The following HCN2 variants were observed in gnomAD, a reference collection of about 807,000 sequenced individuals.
HCN2 encodes hyperpolarization activated cyclic nucleotide gated potassium and sodium channel 2.
HCN2 carries 20 observed loss-of-function variants against 52.3 expected under a neutral mutation model. The observed-to-expected ratio is 0.38, with a 90% confidence interval of 0.27 to 0.56. The LOEUF is 0.56. Ranked by LOEUF, HCN2 falls within the 20% of genes least tolerant of loss-of-function variation. The pLI is 0.71. For missense variants in HCN2, 981 were observed against 1,207.7 expected, an observed-to-expected ratio of 0.81 and a Z score of 2.78; for synonymous variants, 694 against 537.0, an observed-to-expected ratio of 1.29 and a Z score of -4.04.
In HCN2 at chr19:605,107, G is replaced by C; in HGVS notation, c.1103G>C (p.Cys368Ser). The C allele has an allele frequency of 1.2e-6, 2 of 1,611,984 alleles. No individual in the cohort carries two copies. The highest frequency in any genetic ancestry group is 1.7e-6 in the Non-Finnish European group (2 of 1,179,508). The change falls in exon 3 of 8, where the codon TGC becomes TCC. Residue 368 changes from cysteine (C) to serine (S), a missense_variant. This residue lies in a region of HCN2 where 282 missense variants were observed against 553.8 expected (regional missense o/e 0.51). Coordinates refer to ENST00000251287, the MANE Select transcript of HCN2 (RefSeq NM_001194.4). ...CTGGCCAGCGCGGTGATGAGGATCT[G>C]CAATCTCATCAGCATGATGCTGCTG... Reference protein sequence around the residue: ...YDLASAVMRICNLISMMLLLC... With the variant: ...YDLASAVMRISNLISMMLLLC...
chr19:611,193 T>C (rs1983621055), intron 5 of HCN2, among the ~76,000 whole-genome samples: 1 of 152,206 alleles, frequency 6.6e-6, no homozygotes, highest in African/African-American at 2.4e-5. Flanking sequence ...TCAGCCTGTC[T>C]TTCTGGGAGA....
chr19:601,026 C>T (rs1157756072), intron 1 of HCN2, among the ~76,000 whole-genome samples: 1 of 152,164 alleles, frequency 6.6e-6, no homozygotes, highest in African/African-American at 2.4e-5. Context: ...TAGAAATGGG[C>T]TCACACGGCC....
In HCN2 at chr19:616,435, C is replaced by T. The variant is rs1033513763; in HGVS notation, c.2631C>T (p.Pro877=). The T allele has an allele frequency of 2.5e-5, 31 of 1,249,698 alleles. No homozygotes were observed. The highest frequency in any genetic ancestry group is 2.8e-5 in the Non-Finnish European group (28 of 994,224). The allele number at this position is 1,249,698 out of a possible 1,614,324, so 77.4% of individuals were successfully genotyped here. ...CCGGCGCCGCCGGCGGCCTGGACCC[C>T]CAGGACTCCGCGCGCTCGCGCCTCT... ...ASPGAAGGLD[P]QDSARSRLSS... Residue 877 remains proline, a synonymous_variant, in exon 8 of 8, where the codon CCC becomes CCT. Coordinates refer to ENST00000251287, the MANE Select transcript of HCN2 (RefSeq NM_001194.4).
At chr19:607,137 C>A (rs1472929362) in intron 3 of HCN2, among the ~76,000 whole-genome samples, 3 of 152,080 alleles carry the variant, frequency 2.0e-5, no homozygotes, top group Admixed American at 1.3e-4. Flanking sequence ...TGCCACTGCA[C>A]TCCAGCCTGG....
At position 592,534 on chromosome 19, in the gene HCN2, TG is replaced by T. The variant is rs2144502373; in HGVS notation, c.632+1959del. 6.6e-6 allele frequency among the ~76,000 whole-genome samples: 1 copy of T among 152,236 alleles called. No individual in the cohort carries two copies. The highest frequency in any genetic ancestry group is 2.1e-4 in the South Asian group (1 of 4,826). ...CATAGAGGGCTCAGAGGCCCCTGTG[TG>T]GACCAAGTGCAGCCCCACCCCGGCA... is the stretch of plus-strand genomic sequence containing the variant. On this transcript the variant is annotated intron_variant, in intron 1 of 7. Coordinates refer to ENST00000251287, the MANE Select transcript of HCN2 (RefSeq NM_001194.4). This position sits in a 1 kb window ranked among gnomAD's most constrained non-coding sequence, Gnocchi z 4.8.
chr19:607,961 C>A lies in HCN2; in HGVS notation c.1219-3C>A. On this transcript the variant is annotated splice_polypyrimidine_tract_variant and splice_region_variant and intron_variant, in intron 3 of 7. Transcript: ENST00000251287. ...ACCACCGCCCCTCCTGCTGGCCTTG[C>A]AGAACCACTCGTGGAGTGAACTGTA... The A allele has an allele frequency of 6.2e-7, 1 of 1,606,410 alleles. No homozygotes were observed. Among genetic ancestry groups the A allele is most frequent in the Non-Finnish European group, 8.5e-7 (1 of 1,175,684 alleles).
chr19:595,218 C>G (rs187662643), intron 1 of HCN2, among the ~76,000 whole-genome samples: 1 of 151,846 alleles, frequency 6.6e-6, no homozygotes. Flanking sequence ...ATAAAAAAAA[C>G]CTAAAAACCC....
At chr19:606,908 A>G (rs997820261) in intron 3 of HCN2, among the ~76,000 whole-genome samples, 3 of 139,044 alleles carry the variant, frequency 2.2e-5, no homozygotes, top group Non-Finnish European at 4.5e-5. Flanking sequence ...GCGGTGGCTC[A>G]CGCCTGTAAT....
chr19:593,472 T>G (rs1454174867), intron 1 of HCN2, among the ~76,000 whole-genome samples: 1 of 152,050 alleles, frequency 6.6e-6, no homozygotes, highest in Non-Finnish European at 1.5e-5. Context: ...ATGCAAAAAT[T>G]AGCTGGGCAT....
In HCN2 at chr19:591,461, C is replaced by A. The variant is rs182194682; in HGVS notation, c.632+884C>A. Among the ~76,000 whole-genome samples, 1 of 152,014 alleles carries A rather than the reference C, an allele frequency of 6.6e-6. No individual in the cohort carries two copies. Among genetic ancestry groups the A allele is most frequent in the South Asian group, 2.1e-4 (1 of 4,826 alleles). On this transcript the variant is annotated intron_variant, in intron 1 of 7. Coordinates refer to ENST00000251287, the MANE Select transcript of HCN2 (RefSeq NM_001194.4). This position sits in a 1 kb window ranked among gnomAD's most constrained non-coding sequence, Gnocchi z 4.1. ...GTTTGTGTGTGTTGGGACCAGGTGG[C>A]GGGCGTGCGCGTGTACGCCCGGGGC...
In HCN2 at chr19:617,126, CATTCCGCG is replaced by C; in HGVS notation, c.*653_*660del. ...CACGCCCCATTAACCCCCACACCCC[CATTCCGCG>C]CAATAAACGACAGCATTGGCGCCAA... is the stretch of plus-strand genomic sequence containing the variant. On this transcript the variant is annotated 3_prime_UTR_variant, in exon 8 of 8. Transcript: ENST00000251287. 2.6e-6 allele frequency: 2 copies of C among 763,876 alleles called. No homozygotes were observed. Among genetic ancestry groups the C allele is most frequent in the African/African-American group, 1.7e-5 (1 of 57,658 alleles). 47.3% of individuals were successfully genotyped at this position (763,876 alleles called of 1,614,324 possible). A position where few individuals can be genotyped will look rare whatever the true frequency, so the allele number is the denominator to read the frequency against.
chr19:603,715 G>A lies in HCN2; in HGVS notation c.804G>A (p.Val268=). 1 of 1,612,874 alleles carries A rather than the reference G, an allele frequency of 6.2e-7. No homozygotes were observed. The highest frequency in any genetic ancestry group is 8.5e-7 in the Non-Finnish European group (1 of 1,179,780). The change falls in exon 2 of 8, where the codon GTG becomes GTA. Residue 268 remains valine (V), a synonymous_variant. Coordinates refer to ENST00000251287, the MANE Select transcript of HCN2 (RefSeq NM_001194.4). ...DLVLNFRTGI[V]IEDNTEIILD... Reference sequence around the variant, plus strand: ...TGTTGAACTTCCGCACCGGCATTGTGATCGAGGACAACACGGAGATCATCC... The same window carrying A: ...TGTTGAACTTCCGCACCGGCATTGTAATCGAGGACAACACGGAGATCATCC...
chr19:611,036 CTG>C (rs1983614143), intron 5 of HCN2, among the ~76,000 whole-genome samples: 1 of 150,214 alleles, frequency 6.7e-6, no homozygotes, highest in African/African-American at 2.5e-5. Flanking sequence ...GCCTTCTCCC[CTG>C]TGTGTCTCTG....
chr19:599,100 C>T lies in HCN2; in HGVS notation c.633-4444C>T, dbSNP rs553837163. Among the ~76,000 whole-genome samples the T allele has an allele frequency of 1.4e-4, 21 of 152,406 alleles. No individual in the cohort carries two copies. The East Asian group carries it at 4.0e-3, about 29-fold the overall frequency. On this transcript the variant is annotated intron_variant, in intron 1 of 7. Transcript: ENST00000251287. Reference sequence around the variant, plus strand: ...CCAGCCCAGGTCTGGCTGATGCCACCACGATGTGAGTCGCTGGGTCCCTTC... The same window carrying T: ...CCAGCCCAGGTCTGGCTGATGCCACTACGATGTGAGTCGCTGGGTCCCTTC...
rs746222770 is a variant in HCN2 at position 613,883 on chromosome 19, G to C, written c.1857G>C (p.Thr619=). The change falls in exon 7 of 8, where the codon ACG becomes ACC. Residue 619 remains threonine (T), a synonymous_variant. Coordinates refer to ENST00000251287, the MANE Select transcript of HCN2 (RefSeq NM_001194.4). The part of the protein sequence containing the change: ...EICLLTRGRR[T]ASVRADTYCR... ...GCCTGCTCACCCGGGGCCGCCGCACGGCGAGCGTGCGGGCTGACACCTACT... is the reference window on the plus strand; with the variant it reads ...GCCTGCTCACCCGGGGCCGCCGCACCGCGAGCGTGCGGGCTGACACCTACT... 24 of 1,592,306 alleles carry C rather than the reference G, an allele frequency of 1.5e-5. No homozygotes were observed. Among genetic ancestry groups the C allele is most frequent in the Non-Finnish European group, 2.1e-5 (24 of 1,169,718 alleles).
intron 1 of HCN2, among the ~76,000 whole-genome samples, chr19:600,152 A>G (rs551710541): frequency 1.3e-5 from 2 of 152,226 alleles, no homozygotes; most frequent in East Asian, 1.9e-4. Context: ...CCTTGGCCCC[A>G]GAGCCCAGAG....
At chr19:598,798 CG>C (rs145823652) in intron 1 of HCN2, among the ~76,000 whole-genome samples, 14 of 152,180 alleles carry the variant, frequency 9.2e-5, no homozygotes, top group African/African-American at 3.4e-4. Context: ...TTAGTAGAGA[CG>C]GGGTTTCACC....
chr19:615,675 T>G (rs942498221), intron 7 of HCN2, 120 bp from the exon 8 acceptor site: 3 of 894,612 alleles, frequency 3.4e-6, no homozygotes, highest in Non-Finnish European at 5.4e-6. Context: ...AGGTGGTAAA[T>G]GCATGCTTGC....
chr19:596,410 G>A (rs1255129845), intron 1 of HCN2, among the ~76,000 whole-genome samples: 1 of 152,150 alleles, frequency 6.6e-6, no homozygotes, highest in Non-Finnish European at 1.5e-5. Context: ...GAGAGCTGAG[G>A]CCGGAAGGTT....
Sources: allele counts gnomAD v4.1 joint callset (sites outside exome capture counted in the v4.1 genomes callset), GRCh38; gene constraint gnomAD v4.1.1; regional missense constraint gnomAD v4.1.1; non-coding constraint Gnocchi (gnomAD v3.1); transcripts MANE v1.5; gene names NCBI Gene and HGNC (gene_info 2026-07-23, HGNC 2026-07-21).